Variants in ABLIM1 observed in about 807,000 individuals in gnomAD.
The protein encoded by ABLIM1 is actin-binding LIM protein 1.
Under a neutral mutation model 107.0 loss-of-function variants are expected in ABLIM1, and 40 were observed. That is an observed-to-expected ratio of 0.37 (90% CI 0.29 to 0.49). The LOEUF is 0.49. Ranked by LOEUF, ABLIM1 falls within the 20% of genes least tolerant of loss-of-function variation. The pLI, the probability that ABLIM1 is intolerant of heterozygous loss-of-function variation, is 0.97. For missense variants in ABLIM1, 857 were observed against 1,008.5 expected, an observed-to-expected ratio of 0.85 and a Z score of 2.04; for synonymous variants, 357 against 357.3, an observed-to-expected ratio of 1.00 and a Z score of 0.01.
intron 6 of ABLIM1, among the ~76,000 whole-genome samples, chr10:114,520,536 T>C (rs1032193665): frequency 6.6e-6 from 1 of 152,040 alleles, no homozygotes; most frequent in African/African-American, 2.4e-5. Context: ...GGGCTGCCAA[T>C]TGTAACCCTG....
chr10:114,604,573 G>C (rs749040237), intron 1 of ABLIM1, among the ~76,000 whole-genome samples: 2 of 152,158 alleles, frequency 1.3e-5, no homozygotes, highest in Non-Finnish European at 2.9e-5. Context: ...TGGGAGTCAG[G>C]CATCTACCTT....
chr10:114,774,532 A>C, the ABLIM1 span, among the ~76,000 whole-genome samples: 3 of 152,244 alleles, frequency 2.0e-5, no homozygotes, highest in Non-Finnish European at 4.4e-5. Context: ...ACTGATTCCT[A>C]AGCTGCACAT....
chr10:114,461,981 T>C (rs2064033763), intron 12 of ABLIM1, among the ~76,000 whole-genome samples: 1 of 152,202 alleles, frequency 6.6e-6, no homozygotes, highest in South Asian at 2.1e-4. Context: ...ATAAGCAATA[T>C]TATTTTCAAA....
At chr10:114,660,367 G>A (rs2079736108), upstream of ABLIM1, among the ~76,000 whole-genome samples, 1 of 151,800 alleles carries the variant, frequency 6.6e-6, no homozygotes, top group Non-Finnish European at 1.5e-5. Context: ...GGTGATGGGT[G>A]CACCAAAATC....
chr10:114,640,648 G>A (rs1326236664), intron 1 of ABLIM1, among the ~76,000 whole-genome samples: 4 of 152,152 alleles, frequency 2.6e-5, no homozygotes, highest in Admixed American at 1.3e-4. Context: ...TCTATGACCC[G>A]TGTAATACAA....
At chr10:114,662,957 C>A (rs1449504205), upstream of ABLIM1, among the ~76,000 whole-genome samples, 2 of 152,174 alleles carry the variant, frequency 1.3e-5, no homozygotes, top group Admixed American at 6.5e-5. Flanking sequence ...GTCACAGGCA[C>A]CCCCTGAGCT....
At position 114,491,012 on chromosome 10, in the gene ABLIM1, G is replaced by GTGTGTGTGTGTATATATATATA; in HGVS notation, c.982+778_982+779insTATATATATATACACACACACA. ...TGTGTGTGTGTGTGTGTGTGTGTGT[G>GTGTGTGTGTGTATATATATATA]TATATATATATATGGTCTATTTTAT... On this transcript the variant is annotated intron_variant, in intron 7 of 22. Transcript: ENST00000533213. 6.6e-4 allele frequency among the ~76,000 whole-genome samples: 61 copies of GTGTGTGTGTGTATATATATATA among 92,376 alleles called. 1 individual carries two copies. Among genetic ancestry groups the GTGTGTGTGTGTATATATATATA allele is most frequent in the African/African-American group, 1.9e-3 (41 of 21,700 alleles). 60.6% of individuals were successfully genotyped at this position (92,376 alleles called of 152,430 possible). A position where few individuals can be genotyped will look rare whatever the true frequency, so the allele number is the denominator to read the frequency against.
intron 1 of ABLIM1, among the ~76,000 whole-genome samples, chr10:114,614,279 C>A (rs1463720686): frequency 6.6e-6 from 1 of 151,992 alleles, no homozygotes; most frequent in African/African-American, 2.4e-5. Context: ...TGGCGAAACC[C>A]AGTCTCTACT....
intron 3 of ABLIM1, among the ~76,000 whole-genome samples, chr10:114,572,984 C>G (rs1358237095): frequency 6.6e-6 from 1 of 152,208 alleles, no homozygotes; most frequent in Admixed American, 6.5e-5. Flanking sequence ...AGCCTTCCTT[C>G]CCATCCAAGC....
chr10:114,504,254 A>T (rs535725158), intron 6 of ABLIM1, among the ~76,000 whole-genome samples: 2 of 152,204 alleles, frequency 1.3e-5, no homozygotes, highest in South Asian at 4.2e-4. Context: ...AAGTATGTTC[A>T]CATTTAATCC....
chr10:114,597,179 A>G (rs2075498849), intron 2 of ABLIM1, among the ~76,000 whole-genome samples: 1 of 152,220 alleles, frequency 6.6e-6, no homozygotes, highest in African/African-American at 2.4e-5. Context: ...CTTGGCTGCA[A>G]TTGGGTCACT....
rs117393970 is a variant in ABLIM1 at position 114,707,628 on chromosome 10, G to A, written c.-213+60433C>T. Among the ~76,000 whole-genome samples the A allele has an allele frequency of 3.7e-3, 557 of 152,168 alleles. 6 individuals are homozygous for A. Among genetic ancestry groups the A allele is most frequent in the Non-Finnish European group, 6.0e-3 (410 of 68,006 alleles). On this transcript the variant is annotated intron_variant, in intron 1 of 15. Transcript: ENST00000651092. The surrounding 1 kb of genome is among the most constrained non-coding windows in gnomAD (Gnocchi z 4.1). ...AAAAAACTAATTACCGGCCGGGCACGGTGGCTCACACTTATAATCCCAACA... is the reference window on the plus strand; with the variant it reads ...AAAAAACTAATTACCGGCCGGGCACAGTGGCTCACACTTATAATCCCAACA...
At chr10:114,691,442 C>T (rs1031440631) in intron 1 of ABLIM1, among the ~76,000 whole-genome samples, 5 of 152,186 alleles carry the variant, frequency 3.3e-5, no homozygotes, top group African/African-American at 1.2e-4. Context: ...ATGTCTCTCT[C>T]CTCTCCCTTT....
At chr10:114,633,761 C>A (rs1477537494) in intron 1 of ABLIM1, among the ~76,000 whole-genome samples, 2 of 152,150 alleles carry the variant, frequency 1.3e-5, no homozygotes, top group African/African-American at 4.8e-5. Flanking sequence ...GCTAAAACTG[C>A]ACTTGTCTAC....
At chr10:114,657,302 G>A (rs1399927716) in intron 1 of ABLIM1, among the ~76,000 whole-genome samples, 1 of 152,098 alleles carries the variant, frequency 6.6e-6, no homozygotes, top group Non-Finnish European at 1.5e-5. Context: ...GAGCAGTTGG[G>A]TAGGTATCAT....
At chr10:114,769,172 G>GAAAAAAAA (rs35691537), upstream of ABLIM1, among the ~76,000 whole-genome samples, 13 of 46,522 alleles carry the variant, frequency 2.8e-4, no homozygotes, top group East Asian at 1.8e-3. Flanking sequence ...TGTCTTCAAT[G>GAAAAAAAA]AAAAAAAAAA....
chr10:114,541,899 AACACAC>A (rs66907896), intron 6 of ABLIM1, among the ~76,000 whole-genome samples: 9 of 150,568 alleles, frequency 6.0e-5, no homozygotes, highest in South Asian at 2.1e-4. Context: ...GAAGGGAATC[AACACAC>A]ACACACACAC....
rs376601167 is a variant in ABLIM1, at chr10:114,453,428, G to A, written c.1497C>T (p.Arg499=). ...NSPLPYRPDS[R]PLTPTYAQAP... is the part of the protein sequence containing the mutation. ...CCTGAGCGTAAGTTGGAGTTAGAGG[G>A]CGGCTGTCTGGCCGGTAAGGGAGAG... The change falls in exon 13 of 23, where the codon CGC becomes CGT. Residue 499 remains arginine (R), a synonymous_variant. Coordinates refer to ENST00000533213, the MANE Select transcript of ABLIM1 (RefSeq NM_002313.7). 3.7e-6 allele frequency: 6 copies of A among 1,613,886 alleles called. No homozygotes were observed. The African/African-American group carries it at 5.3e-5, about 14-fold the overall frequency.
At chr10:114,605,537 C>T (rs1447990175) in intron 1 of ABLIM1, among the ~76,000 whole-genome samples, 2 of 152,188 alleles carry the variant, frequency 1.3e-5, no homozygotes, top group Admixed American at 6.5e-5. Flanking sequence ...ACTTAGCACT[C>T]AGGCTCCCAG....
Sources: gnomAD v4.1 joint callset for allele counts (sites outside exome capture counted in the v4.1 genomes callset) on GRCh38, gnomAD v4.1.1 for gene constraint, Gnocchi (gnomAD v3.1) non-coding constraint, MANE v1.5 for transcripts, NCBI Gene and HGNC (gene_info 2026-07-23, HGNC 2026-07-21) for gene names.